The following ZNF804B variants were observed in gnomAD, a reference collection of about 807,000 sequenced individuals.
ZNF804B encodes the protein zinc finger 804B.
Under a neutral mutation model 101.4 loss-of-function variants are expected in ZNF804B, and 80 were observed. The observed-to-expected ratio is 0.79, with a 90% CI of 0.66 to 0.95. The LOEUF (loss-of-function observed/expected upper bound fraction) is 0.95. Ranked by LOEUF, ZNF804B falls within the 40% of genes least tolerant of loss-of-function variation. The probability of loss-of-function intolerance (pLI) is 0.00; values close to 1 mark genes in which losing one functional copy is unlikely to be tolerated. For missense variants in ZNF804B, 1,673 were observed against 1,561.9 expected (o/e 1.07, Z -1.20); for synonymous variants, 622 against 558.8 (o/e 1.11, Z -1.59).
intron 1 of ZNF804B, among the ~76,000 whole-genome samples, chr7:88,844,061 TAAC>T (rs1357000842): frequency 1.3e-5 from 2 of 152,176 alleles, no homozygotes; most frequent in East Asian, 3.9e-4. Context: ...TATGTAGAGT[TAAC>T]AAATGTTAAT....
At chr7:89,282,242 C>T (rs1790111189) in intron 2 of ZNF804B, among the ~76,000 whole-genome samples, 1 of 146,992 alleles carries the variant, frequency 6.8e-6, no homozygotes, top group Non-Finnish European at 1.5e-5. Flanking sequence ...AGTGGCAAAG[C>T]ACAAATCTGG....
At chr7:89,220,807 A>AC (rs1788993922) in intron 2 of ZNF804B, among the ~76,000 whole-genome samples, 1 of 151,914 alleles carries the variant, frequency 6.6e-6, no homozygotes, top group African/African-American at 2.4e-5. Flanking sequence ...CTTGAAGTTT[A>AC]TTTTGGTATA....
At chr7:88,972,529 G>C (rs894915532) in intron 1 of ZNF804B, among the ~76,000 whole-genome samples, 8 of 151,290 alleles carry the variant, frequency 5.3e-5, no homozygotes, top group Non-Finnish European at 8.9e-5. Flanking sequence ...ATGAAGATTA[G>C]TGTAGGATTG....
Position 89,015,493 on chromosome 7 carries a change from C to G in ZNF804B, c.109-202662C>G, listed in dbSNP as rs547413100. Among the ~76,000 whole-genome samples, 1,177 of 152,036 alleles carry G rather than the reference C, an allele frequency of 7.7e-3. 20 individuals carry two copies. Among genetic ancestry groups the G allele is most frequent in the African/African-American group, 0.027 (1,120 of 41,468 alleles). On this transcript the variant is annotated intron_variant, in intron 1 of 3. Transcript: ENST00000333190. ...TAAAGCTATCCCTCCCCGCTCCCCC[C>G]ACCCCACAACAGTCCCCAGAGTGTA...
At chr7:89,245,747 G>C (rs1463777102) in intron 2 of ZNF804B, among the ~76,000 whole-genome samples, 1 of 152,132 alleles carries the variant, frequency 6.6e-6, no homozygotes, top group Non-Finnish European at 1.5e-5. Context: ...GAATCCACCA[G>C]AATAATGAAG....
intron 1 of ZNF804B, among the ~76,000 whole-genome samples, chr7:88,965,369 GCCC>G (rs1562845618): frequency 2.6e-5 from 4 of 151,324 alleles, no homozygotes; most frequent in African/African-American, 9.7e-5. Context: ...TTTTAAAATA[GCCC>G]TGCATGAATC....
At chr7:89,095,690 A>T (rs1562883419) in intron 1 of ZNF804B, among the ~76,000 whole-genome samples, 1 of 152,230 alleles carries the variant, frequency 6.6e-6, no homozygotes, top group Non-Finnish European at 1.5e-5. Context: ...TAATTGCAAA[A>T]ATTAACAAAT....
intron 1 of ZNF804B, among the ~76,000 whole-genome samples, chr7:88,993,133 A>G (rs1483038292): frequency 6.6e-6 from 1 of 152,038 alleles, no homozygotes; most frequent in Non-Finnish European, 1.5e-5. Context: ...TTTATCCATT[A>G]TGAAATCTGG....
intron 1 of ZNF804B, among the ~76,000 whole-genome samples, chr7:88,875,374 G>A (rs1437264577): frequency 6.6e-6 from 1 of 151,988 alleles, no homozygotes; most frequent in African/African-American, 2.4e-5. Flanking sequence ...TCCAGGAGCT[G>A]GTTTTTTGAA....
chr7:89,128,159 A>G (rs1790500497), intron 1 of ZNF804B, among the ~76,000 whole-genome samples: 1 of 151,840 alleles, frequency 6.6e-6, no homozygotes, highest in Admixed American at 6.6e-5. Flanking sequence ...TTAGTATAAA[A>G]TCTAATTGGT....
intron 2 of ZNF804B, among the ~76,000 whole-genome samples, chr7:89,271,629 G>T (rs1023124581): frequency 2.0e-4 from 30 of 152,174 alleles, no homozygotes; most frequent in Non-Finnish European, 3.2e-4. Context: ...GATTGGAATA[G>T]TTTCAGAAGG....
chr7:88,992,177 C>G (rs1793857601), intron 1 of ZNF804B, among the ~76,000 whole-genome samples: 1 of 152,160 alleles, frequency 6.6e-6, no homozygotes, highest in African/African-American at 2.4e-5. Flanking sequence ...TCTTCAGTCT[C>G]TCTCTCTTCC....
At chr7:89,127,766 G>A (rs2057675) in intron 1 of ZNF804B, among the ~76,000 whole-genome samples, 33,357 of 151,240 alleles carry the variant, frequency 0.22, 3,663 homozygotes, top group Middle Eastern at 0.25. Flanking sequence ...AAACATGACG[G>A]TATTAGGTTT....
At chr7:89,279,267 T>C (rs1209849411) in intron 2 of ZNF804B, among the ~76,000 whole-genome samples, 1 of 151,996 alleles carries the variant, frequency 6.6e-6, no homozygotes, top group Non-Finnish European at 1.5e-5. Context: ...ACAGTGGGGT[T>C]TTCTAGATAT....
intron 1 of ZNF804B, among the ~76,000 whole-genome samples, chr7:89,208,870 G>T (rs1420450145): frequency 6.6e-6 from 1 of 151,998 alleles, no homozygotes; most frequent in Non-Finnish European, 1.5e-5. Context: ...AAATTAGCCG[G>T]GCGAGCTGGC....
chr7:89,325,022 A>AT (rs996216126), intron 2 of ZNF804B, among the ~76,000 whole-genome samples: 1 of 151,064 alleles, frequency 6.6e-6, no homozygotes, highest in Non-Finnish European at 1.5e-5. Flanking sequence ...ATATCCTGTC[A>AT]TTTTTTTCCA....
In ZNF804B at chr7:89,263,351, A is replaced by T. The variant is rs564797092; in HGVS notation, c.249+45056A>T. Among the ~76,000 whole-genome samples, 10 of 138,478 alleles carry T rather than the reference A, an allele frequency of 7.2e-5. No individual in the cohort carries two copies. The East Asian group carries it at 2.0e-3, about 27-fold the overall frequency. The allele number at this position is 138,478 out of a possible 152,430, so 90.8% of individuals were successfully genotyped here. Reference sequence around the variant, plus strand: ...TTTTATTTTAAAGTTGTGCTTTGATATGGCTTTTTTCCGCTGCTTGTTGTT... The same window carrying T: ...TTTTATTTTAAAGTTGTGCTTTGATTTGGCTTTTTTCCGCTGCTTGTTGTT... On this transcript the variant is annotated intron_variant, in intron 2 of 3. Transcript: ENST00000333190.
intron 1 of ZNF804B, among the ~76,000 whole-genome samples, chr7:89,171,412 CTT>C (rs1791233979): frequency 9.2e-6 from 1 of 108,478 alleles, no homozygotes; most frequent in African/African-American, 3.4e-5. Flanking sequence ...TCTTCTTCTT[CTT>C]CTTCTCCTTC....
At chr7:89,263,538 A>G (rs748260431) in intron 2 of ZNF804B, among the ~76,000 whole-genome samples, 1 of 152,114 alleles carries the variant, frequency 6.6e-6, no homozygotes, top group Non-Finnish European at 1.5e-5. Context: ...ATAGAATTCA[A>G]TAGTGACCTT....
Sources: gnomAD v4.1 joint callset for allele counts (sites outside exome capture counted in the v4.1 genomes callset) on GRCh38, gnomAD v4.1.1 for gene constraint, MANE v1.5 for transcripts, NCBI Gene and HGNC (gene_info 2026-07-23, HGNC 2026-07-21) for gene names.